Variants in WDR72 observed in about 807,000 individuals in gnomAD.
The protein encoded by WDR72 is WD repeat-containing protein 72.
A neutral mutation model predicts 124.2 loss-of-function variants in WDR72; 120 were observed. That is an observed-to-expected ratio of 0.97 (90% CI 0.83 to 1.12). The LOEUF is 1.12. WDR72 is among the 50% of genes most tolerant of loss of function. WDR72 has a pLI of 0.00. For synonymous variants in WDR72, 452 were observed against 441.7 expected (o/e 1.02, Z -0.29); for missense variants, 1,387 against 1,278.8 (o/e 1.08, Z -1.29).
rs763369422 is a variant in WDR72 at position 53,722,755 on chromosome 15, A to C, written c.260+47T>G. 8.7e-5 allele frequency: 136 copies of C among 1,554,946 alleles called. 1 individual carries two copies. In the South Asian group the frequency reaches 1.5e-3, roughly 17 times the overall value. On this transcript the variant is annotated intron_variant, in intron 3 of 19. Transcript: ENST00000360509. The stretch of plus-strand genomic sequence containing the variant: ...ATTGTATTCCATTGTAGTTTTTAAA[A>C]AGGGAAGGAAATGGAGAAGGGGACA...
At chr15:53,710,184 A>T (rs1191450132) in intron 9 of WDR72, among the ~76,000 whole-genome samples, 1 of 152,252 alleles carries the variant, frequency 6.6e-6, no homozygotes, top group Non-Finnish European at 1.5e-5. Context: ...GAATAGCTAA[A>T]TACATCTGAA....
At chr15:53,716,568 AG>A in intron 4 of WDR72, 38 bp downstream of exon 4, 1 of 1,356,010 alleles carries the variant, frequency 7.4e-7, no homozygotes, top group Non-Finnish European at 1.1e-6. Flanking sequence ...AACAAGTTGC[AG>A]AATCTAGAAA....
chr15:53,561,375 T>C (rs1413759341), intron 18 of WDR72, among the ~76,000 whole-genome samples: 3 of 151,758 alleles, frequency 2.0e-5, no homozygotes, highest in African/African-American at 7.3e-5. Context: ...AATATAAATA[T>C]ATAAATCAAA....
chr15:53,586,938 C>T lies in WDR72; in HGVS notation c.3148+10141G>A, dbSNP rs143287901. 2.6e-4 allele frequency among the ~76,000 whole-genome samples: 39 copies of T among 152,010 alleles called. 1 individual carries two copies. In the East Asian group the frequency reaches 6.8e-3, roughly 27 times the overall value. ...AAGGGGAGCGGGACAGAAACAAAGT[C>T]CTTAAGAATGTCTAGAATCCCTTTC... On this transcript the variant is annotated intron_variant, in intron 18 of 19. Coordinates refer to ENST00000360509, the MANE Select transcript of WDR72 (RefSeq NM_182758.4).
intron 3 of WDR72, among the ~76,000 whole-genome samples, chr15:53,721,844 G>A (rs3947839): frequency 0.29 from 44,702 of 151,796 alleles, 8,070 homozygotes; most frequent in East Asian, 0.45. Flanking sequence ...CTCATCAGGA[G>A]CCTAGTTCAT....
intron 14 of WDR72, among the ~76,000 whole-genome samples, chr15:53,638,026 T>C (rs180685797): frequency 1.3e-5 from 2 of 152,320 alleles, no homozygotes; most frequent in Non-Finnish European, 2.9e-5. Context: ...AAAATTTGTA[T>C]TCCTTTACAC....
intron 18 of WDR72, among the ~76,000 whole-genome samples, chr15:53,567,598 G>C (rs1269865050): frequency 6.6e-6 from 1 of 151,910 alleles, no homozygotes; most frequent in Non-Finnish European, 1.5e-5. Context: ...ATAAATAAAA[G>C]ACAATATCTT....
chr15:53,702,012 G>T, intron 12 of WDR72, 122 bp downstream of exon 12: 1 of 634,410 alleles, frequency 1.6e-6, no homozygotes, highest in Non-Finnish European at 2.6e-6. Flanking sequence ...TGTATTATAA[G>T]TACATAGAAC....
intron 17 of WDR72, among the ~76,000 whole-genome samples, chr15:53,602,278 T>C (rs1158171257): frequency 6.6e-6 from 1 of 152,088 alleles, no homozygotes; most frequent in East Asian, 1.9e-4. Context: ...AAAAGATCTT[T>C]GAAACTACCA....
chr15:53,577,331 T>A (rs888158057), intron 18 of WDR72, among the ~76,000 whole-genome samples: 3 of 152,182 alleles, frequency 2.0e-5, no homozygotes, highest in Non-Finnish European at 2.9e-5. Flanking sequence ...ACTATCCATT[T>A]ACCTGCACTA....
chr15:53,709,688 C>T (rs2017479971), intron 9 of WDR72, among the ~76,000 whole-genome samples: 1 of 152,166 alleles, frequency 6.6e-6, no homozygotes. Context: ...TTACTGCCCA[C>T]AAATAATTTT....
At chr15:53,747,982 C>T (rs80142422) in intron 1 of WDR72, among the ~76,000 whole-genome samples, 1 of 147,974 alleles carries the variant, frequency 6.8e-6, no homozygotes, top group Non-Finnish European at 1.5e-5. Flanking sequence ...CAGTGAAAAT[C>T]TTTTTTTTTT....
At chr15:53,521,545 T>C (rs1239527332) in intron 19 of WDR72, among the ~76,000 whole-genome samples, 1 of 152,120 alleles carries the variant, frequency 6.6e-6, no homozygotes, top group African/African-American at 2.4e-5. Context: ...TGAGTTAAGA[T>C]TCTTTATCAG....
intron 18 of WDR72, among the ~76,000 whole-genome samples, chr15:53,537,384 T>C (rs983266289): frequency 3.3e-5 from 5 of 152,202 alleles, no homozygotes; most frequent in African/African-American, 1.2e-4. Context: ...AAGATTATTA[T>C]TGAGTTTTAG....
chr15:53,607,114 A>G (rs2013319490), intron 17 of WDR72, among the ~76,000 whole-genome samples: 1 of 152,174 alleles, frequency 6.6e-6, no homozygotes, highest in African/African-American at 2.4e-5. Context: ...GAATCAACGC[A>G]CAACTATTTA....
chr15:53,734,766 C>G (rs1182268666), intron 1 of WDR72, among the ~76,000 whole-genome samples: 1 of 149,796 alleles, frequency 6.7e-6, no homozygotes, highest in African/African-American at 2.5e-5. Flanking sequence ...CCAAATCTCC[C>G]AAGAAAAATC....
At chr15:53,722,438 C>T (rs995394125) in intron 3 of WDR72, among the ~76,000 whole-genome samples, 2 of 152,150 alleles carry the variant, frequency 1.3e-5, no homozygotes, top group African/African-American at 2.4e-5. Flanking sequence ...CTTAAGAGCT[C>T]AAAGTGTGTT....
rs187320015 is a variant in WDR72, at chr15:53,516,379, C to T, written c.*1320G>A. ...ATTACACAGTTCTCTTTTCTAATTT[C>T]CCCATCTCCTGTCTACTGCATCCCA... On this transcript the variant is annotated 3_prime_UTR_variant, in exon 20 of 20. Coordinates refer to ENST00000360509, the MANE Select transcript of WDR72 (RefSeq NM_182758.4). The T allele has an allele frequency of 2.2e-4, 33 of 152,238 alleles. No individual in the cohort carries two copies. The highest frequency in any genetic ancestry group is 1.3e-3 in the Admixed American group (20 of 15,276). 9.4% of individuals were successfully genotyped at this position (152,238 alleles called of 1,614,324 possible). A position where few individuals can be genotyped will look rare whatever the true frequency, so the allele number is the denominator to read the frequency against.
chr15:53,660,513 G>A (rs1459367554), intron 14 of WDR72, among the ~76,000 whole-genome samples: 1 of 151,968 alleles, frequency 6.6e-6, no homozygotes, highest in Non-Finnish European at 1.5e-5. Context: ...AGAGGTATGA[G>A]AATAAAACTC....
Sources: allele counts gnomAD v4.1 joint callset (sites outside exome capture counted in the v4.1 genomes callset), GRCh38; gene constraint gnomAD v4.1.1; transcripts MANE v1.5; gene names NCBI Gene and HGNC (gene_info 2026-07-23, HGNC 2026-07-21).